Variants in SCN9A observed in about 807,000 individuals in gnomAD.
The protein encoded by SCN9A is sodium voltage-gated channel alpha subunit 9.
In SCN9A, 131 loss-of-function variants were observed where a neutral mutation model predicts 187.0. The observed-to-expected ratio is 0.70, with a 90% CI of 0.61 to 0.81. The LOEUF (loss-of-function observed/expected upper bound fraction) is 0.81. SCN9A is among the 30% of genes least tolerant of loss of function. The pLI is 0.00. For missense variants in SCN9A, 2,252 were observed against 2,396.6 expected, an observed-to-expected ratio of 0.94 and a Z score of 1.26; for synonymous variants, 809 against 808.6, an observed-to-expected ratio of 1.00 and a Z score of -0.01.
chr2:166,236,522 G>A (rs1012352099), intron 20 of SCN9A, among the ~76,000 whole-genome samples: 5 of 152,168 alleles, frequency 3.3e-5, no homozygotes, highest in Non-Finnish European at 7.3e-5. Context: ...CCGGGTTCAA[G>A]CGATTCTTCT....
At chr2:166,372,534 T>C (rs961439444) in intron 1 of SCN9A, among the ~76,000 whole-genome samples, 2 of 152,188 alleles carry the variant, frequency 1.3e-5, no homozygotes, top group African/African-American at 2.4e-5. Flanking sequence ...AATCCAATTT[T>C]TTCTTAAAAT....
chr2:166,273,702 A>G (rs1697103611), intron 16 of SCN9A, among the ~76,000 whole-genome samples: 1 of 152,234 alleles, frequency 6.6e-6, no homozygotes, highest in East Asian at 1.9e-4. Context: ...AAACATGTAA[A>G]TTGTAAATTA....
intron 24 of SCN9A, among the ~76,000 whole-genome samples, chr2:166,209,282 G>C (rs188330377): frequency 6.6e-6 from 1 of 152,090 alleles, no homozygotes; most frequent in Non-Finnish European, 1.5e-5. Flanking sequence ...AAGAATTAGG[G>C]AAACAACAAA....
Position 166,218,425 on chromosome 2 carries a change from TAAA to T in SCN9A, c.4398+8139_4398+8141del, listed in dbSNP as rs1222600142. Reference sequence around the variant, plus strand: ...AAAGTAAAATAAAAAAATAAATAAATAAAAAATAAAAAAGTGAGAAGTCAACAT... The same window carrying T: ...AAAGTAAAATAAAAAAATAAATAAATAAATAAAAAAGTGAGAAGTCAACAT... On this transcript the variant is annotated intron_variant, in intron 24 of 26. Transcript: ENST00000642356. 1.9e-4 allele frequency among the ~76,000 whole-genome samples: 29 copies of T among 150,006 alleles called. No individual in the cohort carries two copies. In the East Asian group the frequency reaches 2.8e-3, roughly 14 times the overall value.
chr2:166,215,320 G>A (rs768626832), intron 24 of SCN9A, among the ~76,000 whole-genome samples: 15 of 151,894 alleles, frequency 9.9e-5, no homozygotes, highest in Non-Finnish European at 1.5e-5. Context: ...AAAATTTATA[G>A]TAATAAATGC....
rs794729216 is a variant in SCN9A at position 166,277,134 on chromosome 2, C to T, written c.2723G>A (p.Trp908Ter). The change falls in exon 16 of 27, where the codon TGG (tryptophan) becomes TAG (stop). Residue 908 changes from tryptophan (W) to a stop codon, truncating the protein, a stop_gained. Coordinates refer to ENST00000642356, the MANE Select transcript of SCN9A (RefSeq NM_001365536.1). LOFTEE classifies it high-confidence loss of function. ...KINDDCTLPR[W>*]HMNDFFHSFL... ...GGAGTGGAAGAAGTCGTTCATGTGCCACCGTGGGAGCGTACAGTCATCATT... is the reference window on the plus strand; with the variant it reads ...GGAGTGGAAGAAGTCGTTCATGTGCTACCGTGGGAGCGTACAGTCATCATT... The T allele has an allele frequency of 6.2e-7, 1 of 1,613,858 alleles. No individual in the cohort carries two copies. Among genetic ancestry groups the T allele is most frequent in the Non-Finnish European group, 8.5e-7 (1 of 1,179,990 alleles).
intron 24 of SCN9A, among the ~76,000 whole-genome samples, chr2:166,210,811 C>A (rs1694055948): frequency 6.6e-6 from 1 of 152,084 alleles, no homozygotes; most frequent in African/African-American, 2.4e-5. Context: ...GTAATCCCAG[C>A]ACTTTGAGGG....
intron 18 of SCN9A, among the ~76,000 whole-genome samples, chr2:166,251,561 A>G (rs530539219): frequency 1.3e-5 from 2 of 152,190 alleles, no homozygotes; most frequent in East Asian, 1.9e-4. Context: ...ATAGGAAATT[A>G]CTGTTAGTCA....
At position 166,311,572 on chromosome 2, in the gene SCN9A, A is replaced by T. The variant is rs886681700; in HGVS notation, c.185T>A (p.Ile62Asn). ...DLEAGKQLPF[I>N]YGDIPPGMVS... The stretch of plus-strand genomic sequence containing the variant: ...CATGCCGGGAGGAATGTCCCCATAG[A>T]TGAAGGGCAGCTGTTTGCCAGCTTC... The change falls in exon 2 of 27, where the codon ATC (isoleucine) becomes AAC (asparagine). Residue 62 changes from isoleucine (I) to asparagine (N), a missense_variant. This residue lies in a region of SCN9A where 1,013 missense variants were observed against 997.4 expected (regional missense o/e 1.02). Transcript: ENST00000642356. 1 of 1,613,200 alleles carries T rather than the reference A, an allele frequency of 6.2e-7. No homozygotes were observed. The highest frequency in any genetic ancestry group is 8.5e-7 in the Non-Finnish European group (1 of 1,179,706).
At chr2:166,349,999 A>AAT (rs1163089443) in intron 1 of SCN9A, among the ~76,000 whole-genome samples, 1 of 88,020 alleles carries the variant, frequency 1.1e-5, no homozygotes, top group Non-Finnish European at 2.3e-5. Flanking sequence ...ATAAAAAATA[A>AAT]AAAATAAAAT....
At chr2:166,275,967 A>C (rs1175162928) in intron 16 of SCN9A, among the ~76,000 whole-genome samples, 2 of 152,142 alleles carry the variant, frequency 1.3e-5, no homozygotes, top group Admixed American at 1.3e-4. Flanking sequence ...AAGTGAAGGC[A>C]CTTACCATAT....
chr2:166,374,667 AAGAG>A (rs1261562282), intron 1 of SCN9A, among the ~76,000 whole-genome samples: 2 of 152,120 alleles, frequency 1.3e-5, no homozygotes, highest in Non-Finnish European at 2.9e-5. Context: ...CAAGGAAAGA[AAGAG>A]AAAGAAAATC....
intron 24 of SCN9A, among the ~76,000 whole-genome samples, chr2:166,221,061 G>T (rs975191708): frequency 5.9e-5 from 9 of 152,040 alleles, no homozygotes; most frequent in African/African-American, 2.2e-4. Context: ...TCCCATTTAT[G>T]ATAACATCAA....
At chr2:166,222,945 C>CAACAAAAAAAAAA (rs1694665842) in intron 24 of SCN9A, among the ~76,000 whole-genome samples, 1 of 44,984 alleles carries the variant, frequency 2.2e-5, no homozygotes, top group Non-Finnish European at 4.0e-5. Context: ...AAAAAAACAA[C>CAACAAAAAAAAAA]AAAAAAAAAA....
intron 21 of SCN9A, among the ~76,000 whole-genome samples, chr2:166,231,199 A>G (rs1402677682): frequency 6.6e-6 from 1 of 152,116 alleles, no homozygotes; most frequent in Non-Finnish European, 1.5e-5. Flanking sequence ...ATAGATTGTA[A>G]CATTCTATTA....
chr2:166,249,637 G>T (rs1009819721), intron 18 of SCN9A, among the ~76,000 whole-genome samples: 2 of 152,030 alleles, frequency 1.3e-5, no homozygotes, highest in African/African-American at 4.8e-5. Flanking sequence ...CCTCAGTTTG[G>T]AAGCAATGAA....
intron 1 of SCN9A, among the ~76,000 whole-genome samples, chr2:166,338,942 G>GAA (rs138915544): frequency 2.3e-4 from 35 of 151,772 alleles, no homozygotes; most frequent in African/African-American, 8.0e-4. Flanking sequence ...GGCCAGTATA[G>GAA]AAAAAAAAGA....
intron 11 of SCN9A, among the ~76,000 whole-genome samples, chr2:166,285,232 T>C (rs1697686542): frequency 6.6e-6 from 1 of 152,242 alleles, no homozygotes; most frequent in Non-Finnish European, 1.5e-5. Context: ...TATGGTTCTT[T>C]GCATTGAAAA....
Position 166,242,542 on chromosome 2 carries a change from C to G in SCN9A, c.3587G>C (p.Ser1196Thr), listed in dbSNP as rs1249809900. The G allele has an allele frequency of 2.5e-6, 4 of 1,595,866 alleles. No homozygotes were observed. The highest frequency in any genetic ancestry group is 1.6e-4 in the Middle Eastern group (1 of 6,062). ...YKIVEHSWFESFIVLMILLSS... is the reference protein window; with the variant it reads ...YKIVEHSWFETFIVLMILLSS... Reference sequence around the variant, plus strand: ...GAGCAGGATCATGAGGACAATGAAGCTTTCAAACCAACTGTGTTCAACAAT... The same window carrying G: ...GAGCAGGATCATGAGGACAATGAAGGTTTCAAACCAACTGTGTTCAACAAT... The change falls in exon 19 of 27, where the codon AGC (serine) becomes ACC (threonine). Residue 1196 changes from serine (S) to threonine (T), a missense_variant. Ser to Thr is a moderately conservative substitution (Grantham distance 58). Coordinates refer to ENST00000642356, the MANE Select transcript of SCN9A (RefSeq NM_001365536.1).
Sources: allele counts gnomAD v4.1 joint callset (sites outside exome capture counted in the v4.1 genomes callset), GRCh38; gene constraint gnomAD v4.1.1; regional missense constraint gnomAD v4.1.1; transcripts MANE v1.5; gene names NCBI Gene and HGNC (gene_info 2026-07-23, HGNC 2026-07-21).